Variants in VPS53 observed in about 807,000 individuals in gnomAD.
VPS53 encodes the protein VPS53 subunit of GARP complex, also known as vacuolar protein sorting-associated protein 53 homolog.
Under a neutral mutation model 107.0 loss-of-function variants are expected in VPS53, and 70 were observed. That is an observed-to-expected ratio of 0.65 (90% CI 0.54 to 0.80). The LOEUF is 0.80. VPS53 is among the 30% of genes least tolerant of loss of function. The probability of loss-of-function intolerance (pLI) is 0.00; values close to 1 mark genes in which losing one functional copy is unlikely to be tolerated. For synonymous variants in VPS53, 409 were observed against 393.3 expected, an observed-to-expected ratio of 1.04 and a Z score of -0.47; for missense variants, 917 against 1,049.4, an observed-to-expected ratio of 0.87 and a Z score of 1.74.
chr17:610,127 T>TCA lies in VPS53; in HGVS notation c.1117-8233_1117-8232dup, dbSNP rs200106767. Among the ~76,000 whole-genome samples, 170 of 134,608 alleles carry TCA rather than the reference T, an allele frequency of 1.3e-3. 2 individuals carry two copies. The highest frequency in any genetic ancestry group is 4.5e-3 in the African/African-American group (154 of 34,514). The allele number at this position is 134,608 out of a possible 152,430, so 88.3% of individuals were successfully genotyped here. On this transcript the variant is annotated intron_variant, in intron 11 of 21. Coordinates refer to ENST00000437048, the MANE Select transcript of VPS53 (RefSeq NM_001128159.3). Reference sequence around the variant, plus strand: ...GCCTGGGCGACAGAGTGAGACTCCGTCACACACACACACACACACACACAC... The same window carrying TCA: ...GCCTGGGCGACAGAGTGAGACTCCGTCACACACACACACACACACACACACAC...
At chr17:644,301 C>T (rs1360507462) in intron 7 of VPS53, among the ~76,000 whole-genome samples, 1 of 152,236 alleles carries the variant, frequency 6.6e-6, no homozygotes, top group East Asian at 1.9e-4. Context: ...ATGACTTCTA[C>T]ACTTTACAGA....
intron 17 of VPS53, 64 bp downstream of exon 17, chr17:551,808 G>T: frequency 7.1e-7 from 1 of 1,405,896 alleles, no homozygotes; most frequent in Non-Finnish European, 9.6e-7. Context: ...ACAGACAAGG[G>T]CCAGTAGAAG....
intron 12 of VPS53, among the ~76,000 whole-genome samples, chr17:587,769 A>C (rs405203): frequency 4.0e-5 from 6 of 151,698 alleles, no homozygotes; most frequent in Non-Finnish European, 5.9e-5. Flanking sequence ...GTTGATACTA[A>C]ATCATAATTT....
intron 5 of VPS53, 83 bp downstream of exon 5, chr17:661,726 A>G: frequency 7.3e-7 from 1 of 1,369,750 alleles, no homozygotes; most frequent in South Asian, 1.3e-5. Context: ...CCATTATTAG[A>G]AAAAGCTCAT....
chr17:641,263 C>T (rs185511336), intron 7 of VPS53, among the ~76,000 whole-genome samples: 45 of 152,346 alleles, frequency 3.0e-4, no homozygotes, highest in Admixed American at 5.9e-4. Context: ...CAATCCCATG[C>T]ATTTTCAGGG....
chr17:634,280 A>G (rs1970093566), intron 7 of VPS53, among the ~76,000 whole-genome samples: 1 of 152,224 alleles, frequency 6.6e-6, no homozygotes, highest in Non-Finnish European at 1.5e-5. Context: ...AGCCTGTGAC[A>G]GCACCTGGTA....
intron 5 of VPS53, chr17:657,290 T>C (rs879194648): frequency 4.9e-6 from 4 of 823,328 alleles, no homozygotes; most frequent in Middle Eastern, 2.3e-4. Flanking sequence ...AATTCTCTCC[T>C]GTCTTGTCAA....
At chr17:654,829 T>C (rs1971119642) in intron 6 of VPS53, among the ~76,000 whole-genome samples, 1 of 151,778 alleles carries the variant, frequency 6.6e-6, no homozygotes, top group African/African-American at 2.4e-5. Context: ...TACCACCGCC[T>C]GGTCTTACCA....
chr17:552,015 C>G (rs888348492), intron 16 of VPS53, 65 bp from the exon 17 acceptor site: 48 of 1,422,124 alleles, frequency 3.4e-5, no homozygotes, highest in Non-Finnish European at 4.4e-5. Context: ...GACTGACACT[C>G]AGGCCCCTGT....
intron 7 of VPS53, among the ~76,000 whole-genome samples, chr17:637,801 T>C (rs1018835264): frequency 6.6e-6 from 1 of 152,238 alleles, no homozygotes; most frequent in Non-Finnish European, 1.5e-5. Flanking sequence ...ATAATTTCTG[T>C]TCTTTTACAT....
chr17:662,498 G>C (rs977419413), intron 4 of VPS53, among the ~76,000 whole-genome samples: 2 of 151,986 alleles, frequency 1.3e-5, no homozygotes, highest in African/African-American at 4.8e-5. Context: ...GACCATCCTG[G>C]CTAACACGGT....
intron 4 of VPS53, among the ~76,000 whole-genome samples, chr17:669,595 A>AAAAAAAAAAAAAAAAAG (rs1971851750): frequency 6.7e-6 from 1 of 150,048 alleles, no homozygotes; most frequent in Non-Finnish European, 1.5e-5. Context: ...TCTGTCTTAA[A>AAAAAAAAAAAAAAAAAG]AAAAAAAAAA....
chr17:517,724 T>C lies in VPS53; in HGVS notation c.*1404A>G. ...TTAGTTGAGACAGGGTTTCGCCATG[T>C]TGGGCAGGCTGGTCTCGAATTCCTG... On this transcript the variant is annotated 3_prime_UTR_variant, in exon 22 of 22. Transcript: ENST00000437048. 3.9e-6 allele frequency: 1 copy of C among 257,674 alleles called. No individual in the cohort carries two copies. The highest frequency in any genetic ancestry group is 7.3e-6 in the Non-Finnish European group (1 of 137,902). The allele number at this position is 257,674 out of a possible 1,614,324, so 16.0% of individuals were successfully genotyped here.
chr17:640,877 G>A (rs1019796097), intron 7 of VPS53, among the ~76,000 whole-genome samples: 6 of 151,374 alleles, frequency 4.0e-5, no homozygotes, highest in East Asian at 1.9e-4. Context: ...TTTTTGAGAC[G>A]AAGTCTCACT....
intron 7 of VPS53, among the ~76,000 whole-genome samples, chr17:642,866 GAAATCGAGGA>G: frequency 1.4e-5 from 2 of 148,100 alleles, no homozygotes. Context: ...CTCATACTTG[GAAATCGAGGA>G]CAACACTCAT....
chr17:550,164 A>G (rs1018749171), intron 17 of VPS53, among the ~76,000 whole-genome samples: 1 of 152,162 alleles, frequency 6.6e-6, no homozygotes, highest in Non-Finnish European at 1.5e-5. Flanking sequence ...CACTTGGGGT[A>G]TGTGGGCCCA....
At chr17:707,703 T>C (rs1973466910) in intron 2 of VPS53, among the ~76,000 whole-genome samples, 1 of 151,658 alleles carries the variant, frequency 6.6e-6, no homozygotes, top group Non-Finnish European at 1.5e-5. Context: ...ATTTTAAAAC[T>C]TAGCTGTGTG....
At chr17:665,785 G>A (rs928209278) in intron 4 of VPS53, among the ~76,000 whole-genome samples, 12 of 152,192 alleles carry the variant, frequency 7.9e-5, no homozygotes, top group African/African-American at 2.6e-4. Flanking sequence ...CGGGCGGATC[G>A]CCTGAGGTCA....
intron 13 of VPS53, among the ~76,000 whole-genome samples, chr17:579,851 T>G (rs1966898569): frequency 6.6e-6 from 1 of 151,024 alleles, no homozygotes; most frequent in South Asian, 2.1e-4. Flanking sequence ...ACCTAATTCC[T>G]TGCCAGAGAA....
Sources: gnomAD v4.1 joint callset for allele counts (sites outside exome capture counted in the v4.1 genomes callset) on GRCh38, gnomAD v4.1.1 for gene constraint, MANE v1.5 for transcripts, NCBI Gene and HGNC (gene_info 2026-07-23, HGNC 2026-07-21) for gene names.